The following FASTKD1 variants were observed in gnomAD, a reference collection of about 807,000 sequenced individuals.
FASTKD1 encodes the protein FAST kinase domains 1, also known as FAST kinase domain-containing protein 1, mitochondrial.
FASTKD1 carries 94 observed loss-of-function variants against 90.9 expected under a neutral mutation model. The ratio of observed to expected loss-of-function variants is 1.03; its 90% CI spans 0.88 to 1.23. The LOEUF is 1.23. Among genes scored for constraint, FASTKD1 ranks in the 50% most tolerant of loss-of-function variants. The pLI is 0.00. For missense variants in FASTKD1, 945 were observed against 993.5 expected, an observed-to-expected ratio of 0.95 and a Z score of 0.66; for synonymous variants, 319 against 345.8, an observed-to-expected ratio of 0.92 and a Z score of 0.86.
chr2:169,550,604 G>A (rs1685444881), intron 7 of FASTKD1, among the ~76,000 whole-genome samples: 1 of 152,040 alleles, frequency 6.6e-6, no homozygotes, highest in Admixed American at 6.6e-5. Context: ...TCAGCCTCCT[G>A]AGTAGCTAGG....
At position 169,569,098 on chromosome 2, in the gene FASTKD1, G is replaced by T. The variant is rs146723386; in HGVS notation, c.446+86C>A. On this transcript the variant is annotated intron_variant, in intron 3 of 14. Coordinates refer to ENST00000453153, the MANE Select transcript of FASTKD1 (RefSeq NM_024622.6). ...TTTCAGTGAAGCTTGACAGGCATCA[G>T]TTCCCTGTTCTTTCCCTTCAAGATT... 65 of 1,089,816 alleles carry T rather than the reference G, an allele frequency of 6.0e-5. No homozygotes were observed. In the East Asian group the frequency reaches 1.5e-3, roughly 25 times the overall value. The allele number at this position is 1,089,816 out of a possible 1,614,324, so 67.5% of individuals were successfully genotyped here. A position where few individuals can be genotyped will look rare whatever the true frequency, so the allele number is the denominator to read the frequency against.
chr2:169,543,437 T>C (rs1443062854), intron 9 of FASTKD1, among the ~76,000 whole-genome samples: 1 of 152,052 alleles, frequency 6.6e-6, no homozygotes, highest in African/African-American at 2.4e-5. Context: ...CACTCCAGCC[T>C]GGGCAACAAG....
Position 169,531,503 on chromosome 2 carries a change from T to A in FASTKD1, c.2189-13A>T, listed in dbSNP as rs566796953. 2.5e-6 allele frequency: 4 copies of A among 1,586,440 alleles called. No homozygotes were observed. The highest frequency in any genetic ancestry group is 3.4e-6 in the Non-Finnish European group (4 of 1,169,076). The stretch of plus-strand genomic sequence containing the variant: ...ATACACTCAAAATCTTAAGGAAGCA[T>A]AGAAACTGGTAGTATGAATTAGGTA... On this transcript the variant is annotated splice_polypyrimidine_tract_variant and intron_variant, in intron 12 of 14. Transcript: ENST00000453153.
Position 169,529,763 on chromosome 2 carries a change from C to A in FASTKD1, c.*62G>T. 1 of 1,161,102 alleles carries A rather than the reference C, an allele frequency of 8.6e-7. No individual in the cohort carries two copies. Among genetic ancestry groups the A allele is most frequent in the Non-Finnish European group, 1.3e-6 (1 of 799,688 alleles). 71.9% of individuals were successfully genotyped at this position (1,161,102 alleles called of 1,614,324 possible). On this transcript the variant is annotated 3_prime_UTR_variant, in exon 15 of 15. Transcript: ENST00000453153. ...ATTTGTACCTATTTTTTAATTGAGA[C>A]AGGCCACTTTATTAAAATAGGTCCA...
chr2:169,562,023 A>G (rs1182505203), intron 4 of FASTKD1, among the ~76,000 whole-genome samples: 8 of 121,466 alleles, frequency 6.6e-5, no homozygotes, highest in African/African-American at 2.3e-4. Context: ...ATTGTAAATT[A>G]ATTATTTATT....
intron 10 of FASTKD1, 101 bp downstream of exon 10, chr2:169,539,950 G>A: frequency 1.6e-6 from 1 of 643,592 alleles, no homozygotes; most frequent in Non-Finnish European, 2.4e-6. Flanking sequence ...ATTAGAAACA[G>A]AAAAAAGTTA....
rs1173589009 is a variant in FASTKD1 at position 169,569,211 on chromosome 2, A to G, written c.419T>C (p.Val140Ala). The stretch of plus-strand genomic sequence containing the variant: ...TTCTAGCCTTCTCCATGCTTCTGTA[A>G]CTAGTGCTTCAACTAGCGGGTCATG... Reference protein sequence around the residue: ...EAHDPLVEALVTEAWRRLERF... With the variant: ...EAHDPLVEALATEAWRRLERF... The change falls in exon 3 of 15, where the codon GTT becomes GCT. Residue 140 changes from valine to alanine, a missense_variant. Physicochemically the swap from Val to Ala is moderately conservative, Grantham distance 64 (BLOSUM62 0). Transcript: ENST00000453153. 6.2e-7 allele frequency: 1 copy of G among 1,613,952 alleles called. No homozygotes were observed. The highest frequency in any genetic ancestry group is 2.2e-5 in the East Asian group (1 of 44,888).
chr2:169,566,304 T>C (rs980822890), intron 3 of FASTKD1, among the ~76,000 whole-genome samples: 2 of 152,192 alleles, frequency 1.3e-5, no homozygotes, highest in African/African-American at 4.8e-5. Flanking sequence ...TACTGAAGTA[T>C]ACTGAGAGTG....
At chr2:169,547,995 C>CAAA (rs759460041) in intron 7 of FASTKD1, among the ~76,000 whole-genome samples, 1 of 77,622 alleles carries the variant, frequency 1.3e-5, no homozygotes, top group African/African-American at 4.9e-5. Flanking sequence ...CCCTCCGTCT[C>CAAA]AAAAAAAAAA....
chr2:169,557,607 G>T (rs1683382824), intron 5 of FASTKD1, among the ~76,000 whole-genome samples: 2 of 152,142 alleles, frequency 1.3e-5, no homozygotes, highest in Non-Finnish European at 2.9e-5. Flanking sequence ...AAAATACTAT[G>T]ATTCAGTGAA....
intron 8 of FASTKD1, 122 bp from the exon 9 acceptor site, chr2:169,544,957 T>G: frequency 1.8e-6 from 1 of 562,132 alleles, no homozygotes; most frequent in South Asian, 2.6e-5. Flanking sequence ...AATAAATGTA[T>G]CACCCTGCTT....
At chr2:169,534,239 A>G (rs1269510310) in intron 12 of FASTKD1, among the ~76,000 whole-genome samples, 2 of 148,112 alleles carry the variant, frequency 1.4e-5, no homozygotes, top group Non-Finnish European at 3.0e-5. Flanking sequence ...GGAGACGATT[A>G]AGTCATGAGG....
intron 12 of FASTKD1, among the ~76,000 whole-genome samples, chr2:169,533,193 A>T (rs1439732179): frequency 3.9e-5 from 6 of 152,170 alleles, no homozygotes; most frequent in Non-Finnish European, 7.3e-5. Flanking sequence ...CATTTCTTAA[A>T]AGATATTAAG....
At chr2:169,529,992 A>G in intron 14 of FASTKD1, 66 bp from the exon 15 acceptor site, 1 of 1,079,650 alleles carries the variant, frequency 9.3e-7, no homozygotes, top group Non-Finnish European at 1.4e-6. Context: ...TGAGGAAGAC[A>G]TATAAGCACT....
chr2:169,548,506 G>T (rs1470873758), intron 7 of FASTKD1, among the ~76,000 whole-genome samples: 1 of 150,946 alleles, frequency 6.6e-6, no homozygotes, highest in Non-Finnish European at 1.5e-5. Flanking sequence ...CCAAGGCGGG[G>T]GATAGCTTGA....
chr2:169,568,253 CTAA>C (rs1181688471), intron 3 of FASTKD1, among the ~76,000 whole-genome samples: 10 of 152,140 alleles, frequency 6.6e-5, no homozygotes, highest in Non-Finnish European at 1.0e-4. Context: ...GCCTTCCTCT[CTAA>C]TAAACTAGGG....
At chr2:169,542,888 A>G (rs1333025224) in intron 9 of FASTKD1, among the ~76,000 whole-genome samples, 2 of 152,176 alleles carry the variant, frequency 1.3e-5, no homozygotes, top group African/African-American at 4.8e-5. Context: ...GACAGAAACA[A>G]TCAGACATTA....
intron 14 of FASTKD1, among the ~76,000 whole-genome samples, 196 bp downstream of exon 14, chr2:169,530,391 T>C (rs1163246369): frequency 6.6e-6 from 1 of 152,114 alleles, no homozygotes; most frequent in Non-Finnish European, 1.5e-5. Flanking sequence ...CTCAATCTCC[T>C]AGGATCAAGC....
intron 12 of FASTKD1, among the ~76,000 whole-genome samples, chr2:169,534,234 C>CGAT (rs1305702975): frequency 1.5e-5 from 2 of 135,604 alleles, no homozygotes; most frequent in African/African-American, 5.6e-5. Context: ...CTTTAGGAGA[C>CGAT]GATTAAGTCA....
Sources: gnomAD v4.1 joint callset for allele counts (sites outside exome capture counted in the v4.1 genomes callset) on GRCh38, gnomAD v4.1.1 for gene constraint, MANE v1.5 for transcripts, NCBI Gene and HGNC (gene_info 2026-07-23, HGNC 2026-07-21) for gene names.